The following CNTNAP2 variants were observed in gnomAD, a reference collection of about 807,000 sequenced individuals.
CNTNAP2 encodes contactin associated protein 2.
CNTNAP2 carries 98 observed loss-of-function variants against 155.2 expected under a neutral mutation model. That is an observed-to-expected ratio of 0.63 (90% CI 0.54 to 0.75). The LOEUF is 0.75. CNTNAP2 is among the 30% of genes least tolerant of loss of function. CNTNAP2 has a pLI of 0.00. For synonymous variants in CNTNAP2, 651 were observed against 631.2 expected, an observed-to-expected ratio of 1.03 and a Z score of -0.47; for missense variants, 1,727 against 1,688.1, an observed-to-expected ratio of 1.02 and a Z score of -0.40.
intron 1 of CNTNAP2, among the ~76,000 whole-genome samples, chr7:146,294,500 G>A (rs377366739): frequency 6.6e-6 from 1 of 152,164 alleles, no homozygotes; most frequent in Non-Finnish European, 1.5e-5. Context: ...TTGTGTGGTC[G>A]TTGTGTTAAC....
At chr7:147,618,701 G>A (rs1801339303) in intron 12 of CNTNAP2, among the ~76,000 whole-genome samples, 1 of 125,782 alleles carries the variant, frequency 8.0e-6, no homozygotes, top group Non-Finnish European at 1.5e-5. Context: ...TATAATAACA[G>A]CTATTATACA....
In CNTNAP2 at chr7:148,172,244, G is replaced by A; in HGVS notation, c.2776G>A (p.Gly926Ser). 3.1e-6 allele frequency: 5 copies of A among 1,613,444 alleles called. No individual in the cohort carries two copies. Among genetic ancestry groups the A allele is most frequent in the Non-Finnish European group, 4.2e-6 (5 of 1,179,728 alleles). ...LELYSQLFVG[G>S]AGGQQGFLGC... ...TCTGTGCCTTCTGTCATTCCCAGGT[G>A]GTGCTGGGGGCCAGCAGGGCTTCCT... Residue 926 changes from glycine to serine, a missense_variant and splice_region_variant, in exon 18 of 24, where the codon GGT becomes AGT. Gly to Ser is a moderately conservative substitution (Grantham distance 56, BLOSUM62 0). Transcript: ENST00000361727.
At chr7:147,977,633 G>A (rs112601089) in intron 14 of CNTNAP2, among the ~76,000 whole-genome samples, 163 of 152,278 alleles carry the variant, frequency 1.1e-3, no homozygotes, top group African/African-American at 3.6e-3. Context: ...CTGGAAATCA[G>A]GGTGTCGCTT....
intron 23 of CNTNAP2, among the ~76,000 whole-genome samples, 198 bp from the exon 24 acceptor site, chr7:148,415,219 A>C (rs1401389450): frequency 6.6e-6 from 1 of 152,212 alleles, no homozygotes; most frequent in Non-Finnish European, 1.5e-5. Context: ...CTGGAAGACA[A>C]GTTACTCCTG....
At chr7:146,914,890 C>T (rs1320077337) in intron 3 of CNTNAP2, among the ~76,000 whole-genome samples, 2 of 151,656 alleles carry the variant, frequency 1.3e-5, no homozygotes, top group African/African-American at 4.8e-5. Flanking sequence ...GAAGTCTTTG[C>T]CTACACCAAG....
intron 1 of CNTNAP2, among the ~76,000 whole-genome samples, chr7:146,372,495 T>A (rs953501230): frequency 1.3e-5 from 2 of 152,176 alleles, no homozygotes; most frequent in Non-Finnish European, 2.9e-5. Context: ...TCCATTTACA[T>A]GAACAAATAA....
At chr7:147,247,460 T>C (rs1013123132) in intron 8 of CNTNAP2, among the ~76,000 whole-genome samples, 5 of 152,248 alleles carry the variant, frequency 3.3e-5, no homozygotes, top group Non-Finnish European at 5.9e-5. Context: ...CATTATTTCT[T>C]ATCTATGAGT....
chr7:146,401,177 T>C (rs1356009917), intron 1 of CNTNAP2, among the ~76,000 whole-genome samples: 1 of 152,192 alleles, frequency 6.6e-6, no homozygotes, highest in East Asian at 1.9e-4. Context: ...TCCTAATGTT[T>C]TCTATACATT....
intron 13 of CNTNAP2, among the ~76,000 whole-genome samples, chr7:147,856,227 A>C (rs1011844554): frequency 5.3e-5 from 8 of 152,130 alleles, no homozygotes; most frequent in African/African-American, 1.9e-4. Flanking sequence ...TTTTGGAATC[A>C]CCTTTCTAGT....
At chr7:146,937,351 C>CAAA (rs71165050) in intron 3 of CNTNAP2, among the ~76,000 whole-genome samples, 31,529 of 134,272 alleles carry the variant, frequency 0.23, 4,365 homozygotes, top group Non-Finnish European at 0.32. Flanking sequence ...ACTCTTGTCT[C>CAAA]AAAAAAAAAA....
intron 1 of CNTNAP2, among the ~76,000 whole-genome samples, chr7:146,310,414 A>G (rs985989215): frequency 3.3e-5 from 5 of 152,186 alleles, no homozygotes; most frequent in Non-Finnish European, 7.4e-5. Flanking sequence ...TTAAAAGCCA[A>G]GGAGTAGATA....
chr7:146,407,562 C>G (rs1018475523), intron 1 of CNTNAP2, among the ~76,000 whole-genome samples: 1 of 152,172 alleles, frequency 6.6e-6, no homozygotes, highest in Non-Finnish European at 1.5e-5. Flanking sequence ...GAGGAGAGAA[C>G]TGTAGAGAAA....
chr7:147,077,355 C>A (rs1044116414), intron 4 of CNTNAP2, among the ~76,000 whole-genome samples: 1 of 151,926 alleles, frequency 6.6e-6, no homozygotes, highest in Admixed American at 6.6e-5. Context: ...TTATGATTAG[C>A]AGAAATGCTT....
chr7:146,762,558 C>A (rs1334564762), intron 1 of CNTNAP2, among the ~76,000 whole-genome samples: 3 of 152,090 alleles, frequency 2.0e-5, no homozygotes. Context: ...GAGATCGTGC[C>A]AGTACACTCC....
At chr7:146,345,721 T>C (rs950993931) in intron 1 of CNTNAP2, among the ~76,000 whole-genome samples, 2 of 152,234 alleles carry the variant, frequency 1.3e-5, no homozygotes, top group Non-Finnish European at 2.9e-5. Context: ...AAAAAATGTC[T>C]GCTAATTGCT....
chr7:148,208,862 G>T (rs1330467114), intron 18 of CNTNAP2, among the ~76,000 whole-genome samples: 1 of 151,958 alleles, frequency 6.6e-6, no homozygotes, highest in African/African-American at 2.4e-5. Context: ...CGTGTTCAAG[G>T]GGTCCCCGGG....
chr7:147,518,994 G>C (rs1321687742), intron 11 of CNTNAP2, among the ~76,000 whole-genome samples: 1 of 137,844 alleles, frequency 7.3e-6, no homozygotes, highest in South Asian at 2.3e-4. Flanking sequence ...TAGCGCCACT[G>C]CACTCCAGCC....
chr7:148,329,645 G>A (rs978023467), intron 21 of CNTNAP2, among the ~76,000 whole-genome samples: 11 of 152,304 alleles, frequency 7.2e-5, no homozygotes, highest in African/African-American at 2.6e-4. Flanking sequence ...CTTGAGGAGA[G>A]GCTCCTGGTA....
intron 18 of CNTNAP2, among the ~76,000 whole-genome samples, chr7:148,198,704 T>C (rs55810799): frequency 1.3e-5 from 2 of 152,318 alleles, no homozygotes; most frequent in East Asian, 3.9e-4. Flanking sequence ...GTCTTAGCAG[T>C]TGGTTAAAGC....
Sources: gnomAD v4.1 joint callset for allele counts (sites outside exome capture counted in the v4.1 genomes callset) on GRCh38, gnomAD v4.1.1 for gene constraint, MANE v1.5 for transcripts, NCBI Gene and HGNC (gene_info 2026-07-23, HGNC 2026-07-21) for gene names.